The following MAGI2 variants were observed in gnomAD, a reference collection of about 807,000 sequenced individuals.
The protein encoded by MAGI2 is membrane associated guanylate kinase, WW and PDZ domain containing 2.
A neutral mutation model predicts 133.3 loss-of-function variants in MAGI2; 35 were observed. The observed-to-expected ratio is 0.26, with a 90% CI of 0.20 to 0.35. The LOEUF (loss-of-function observed/expected upper bound fraction) is 0.35. MAGI2 is among the 10% of genes least tolerant of loss of function. The pLI, the probability that MAGI2 is intolerant of heterozygous loss-of-function variation, is 1.00. For synonymous variants in MAGI2, 729 were observed against 710.6 expected (o/e 1.03, Z -0.41); for missense variants, 1,636 against 1,863.4 (o/e 0.88, Z 2.25).
intron 9 of MAGI2, among the ~76,000 whole-genome samples, chr7:78,268,825 G>A (rs2150980410): frequency 6.6e-6 from 1 of 152,240 alleles, no homozygotes; most frequent in Non-Finnish European, 1.5e-5. Flanking sequence ...TGGGGTACAT[G>A]TGCAGAATGT....
Position 78,912,403 on chromosome 7 carries a change from G to A in MAGI2, c.418+94687C>T, listed in dbSNP as rs561193230. Among the ~76,000 whole-genome samples, 9 of 152,282 alleles carry A rather than the reference G, an allele frequency of 5.9e-5. No homozygotes were observed. In the South Asian group the frequency reaches 1.9e-3, roughly 32 times the overall value. ...AGGATACAAAGTATTGATCCTGGAT[G>A]TGTCTGTGAGGGTGTTGCCAAAGGA... On this transcript the variant is annotated intron_variant, in intron 2 of 21. Transcript: ENST00000354212.
Position 78,565,210 on chromosome 7 carries a change from C to T in MAGI2, c.539-43565G>A, listed in dbSNP as rs1442368676. Among the ~76,000 whole-genome samples the T allele has an allele frequency of 2.0e-5, 3 of 151,612 alleles. No individual in the cohort carries two copies. The East Asian group carries it at 5.8e-4, about 29-fold the overall frequency. Reference sequence around the variant, plus strand: ...GGCACGGTGGCTTGCACCTGTAATCCCAGCTACTCAGGAAGCTGAGGCAGG... The same window carrying T: ...GGCACGGTGGCTTGCACCTGTAATCTCAGCTACTCAGGAAGCTGAGGCAGG... On this transcript the variant is annotated intron_variant, in intron 3 of 21. Coordinates refer to ENST00000354212, the MANE Select transcript of MAGI2 (RefSeq NM_012301.4).
intron 1 of MAGI2, among the ~76,000 whole-genome samples, chr7:79,138,788 G>A (rs573707875): frequency 1.5e-4 from 23 of 152,068 alleles, no homozygotes; most frequent in African/African-American, 3.4e-4. Context: ...GGCGGATCAC[G>A]AGGTCAGGAG....
chr7:79,380,894 T>C (rs558649874), intron 1 of MAGI2, among the ~76,000 whole-genome samples: 1 of 151,922 alleles, frequency 6.6e-6, no homozygotes, highest in Non-Finnish European at 1.5e-5. Flanking sequence ...CAGTAAACAT[T>C]GTTTTAAAGT....
chr7:78,817,829 C>T (rs892787589), intron 2 of MAGI2, among the ~76,000 whole-genome samples: 18 of 151,968 alleles, frequency 1.2e-4, no homozygotes, highest in Non-Finnish European at 2.4e-4. Context: ...CCTGCCTCAG[C>T]CTCCCAAGTA....
intron 1 of MAGI2, among the ~76,000 whole-genome samples, chr7:79,407,010 T>C (rs903963140): frequency 6.6e-6 from 1 of 152,126 alleles, no homozygotes; most frequent in Non-Finnish European, 1.5e-5. Context: ...TATGTCACAG[T>C]AGGACCAATG....
At chr7:79,136,089 GAA>G (rs1821509531) in intron 1 of MAGI2, among the ~76,000 whole-genome samples, 1 of 148,666 alleles carries the variant, frequency 6.7e-6, no homozygotes, top group African/African-American at 2.5e-5. Context: ...AAGAAAGAAA[GAA>G]AGAAAGAAAG....
At chr7:79,292,169 T>C (rs1836537519) in intron 1 of MAGI2, among the ~76,000 whole-genome samples, 1 of 152,202 alleles carries the variant, frequency 6.6e-6, no homozygotes, top group South Asian at 2.1e-4. Flanking sequence ...AACCTACAAA[T>C]TGTCTTGGCA....
intron 4 of MAGI2, among the ~76,000 whole-genome samples, chr7:78,520,205 G>A (rs763277858): frequency 9.2e-5 from 14 of 152,020 alleles, no homozygotes; most frequent in Non-Finnish European, 1.6e-4. Context: ...AGCACCTTAG[G>A]TTTTATACCT....
At chr7:78,422,197 G>A (rs959105206) in intron 6 of MAGI2, among the ~76,000 whole-genome samples, 1 of 152,136 alleles carries the variant, frequency 6.6e-6, no homozygotes, top group African/African-American at 2.4e-5. Flanking sequence ...GCAGAATGGA[G>A]CAGGGATGAA....
intron 20 of MAGI2, among the ~76,000 whole-genome samples, chr7:78,108,755 CGTGA>C (rs760202752): frequency 3.7e-4 from 50 of 136,040 alleles, no homozygotes; most frequent in African/African-American, 4.8e-4. Context: ...AGTGTATATA[CGTGA>C]GTGTGTGTAT....
At chr7:78,405,616 A>C (rs1797301785) in intron 6 of MAGI2, among the ~76,000 whole-genome samples, 1 of 152,126 alleles carries the variant, frequency 6.6e-6, no homozygotes, top group African/African-American at 2.4e-5. Context: ...ATTACCTATT[A>C]GAGTTTAACC....
intron 6 of MAGI2, among the ~76,000 whole-genome samples, chr7:78,461,771 C>T (rs1042424033): frequency 1.3e-5 from 2 of 151,316 alleles, no homozygotes; most frequent in Non-Finnish European, 3.0e-5. Context: ...ATTAGCTGGG[C>T]GTGGTGGTGC....
chr7:79,107,223 G>C (rs1818522097), intron 1 of MAGI2, among the ~76,000 whole-genome samples: 4 of 152,146 alleles, frequency 2.6e-5, no homozygotes. Context: ...AAAGAGATAG[G>C]AAGCATGAAA....
intron 1 of MAGI2, among the ~76,000 whole-genome samples, chr7:79,335,574 T>C (rs1295900795): frequency 6.6e-6 from 1 of 151,970 alleles, no homozygotes; most frequent in African/African-American, 2.4e-5. Flanking sequence ...GGAAAATATA[T>C]AGAAAAATGG....
intron 2 of MAGI2, among the ~76,000 whole-genome samples, chr7:78,767,137 G>A (rs55917954): frequency 0.067 from 10,237 of 151,976 alleles, 393 homozygotes; most frequent in Admixed American, 0.11. Flanking sequence ...TTACAGGTGC[G>A]TGCCACCACA....
chr7:79,450,488 T>G (rs1473932190), intron 1 of MAGI2, among the ~76,000 whole-genome samples: 1 of 152,192 alleles, frequency 6.6e-6, no homozygotes, highest in East Asian at 1.9e-4. Flanking sequence ...TGTTTTGTTT[T>G]GTTTTTGGTC....
At chr7:78,389,200 T>C (rs950622999) in intron 6 of MAGI2, among the ~76,000 whole-genome samples, 2 of 152,178 alleles carry the variant, frequency 1.3e-5, no homozygotes, top group African/African-American at 4.8e-5. Flanking sequence ...CTAAAACTGC[T>C]GTGATTTATG....
intron 2 of MAGI2, among the ~76,000 whole-genome samples, chr7:78,805,084 A>T (rs529529109): frequency 4.0e-5 from 6 of 151,206 alleles, no homozygotes; most frequent in South Asian, 4.2e-4. Flanking sequence ...ATAAAAAAAT[A>T]AAAAAAAATA....
Sources: allele counts gnomAD v4.1 joint callset (sites outside exome capture counted in the v4.1 genomes callset), GRCh38; gene constraint gnomAD v4.1.1; transcripts MANE v1.5; gene names NCBI Gene and HGNC (gene_info 2026-07-23, HGNC 2026-07-21).